The following SGCZ variants were observed in gnomAD, a reference collection of about 807,000 sequenced individuals.
SGCZ encodes the protein sarcoglycan zeta.
A neutral mutation model predicts 41.3 loss-of-function variants in SGCZ; 40 were observed. The ratio of observed to expected loss-of-function variants is 0.97; its 90% CI spans 0.75 to 1.26. SGCZ has a LOEUF of 1.26. SGCZ is among the 50% of genes most tolerant of loss of function. The pLI, the probability that SGCZ is intolerant of heterozygous loss-of-function variation, is 0.00. For missense variants in SGCZ, 552 were observed against 369.8 expected (o/e 1.49, Z -4.04); for synonymous variants, 206 against 137.5 (o/e 1.50, Z -3.49).
intron 1 of SGCZ, among the ~76,000 whole-genome samples, chr8:14,660,048 T>A (rs1456097348): frequency 6.6e-6 from 1 of 152,162 alleles, no homozygotes; most frequent in African/African-American, 2.4e-5. Flanking sequence ...AACAGCTTTT[T>A]CTTGCAGCCT....
At chr8:15,101,273 A>C (rs893455220) in intron 1 of SGCZ, among the ~76,000 whole-genome samples, 1 of 152,194 alleles carries the variant, frequency 6.6e-6, no homozygotes, top group African/African-American at 2.4e-5. Context: ...TCTGCTTTGT[A>C]ATAGACACTG....
Position 14,342,405 on chromosome 8 carries a change from C to G in SGCZ, c.235-18201G>C, listed in dbSNP as rs191399243. ...TATCTCGGCTCACTGCAAGCTCTGC[C>G]TCCCGGGTTCATGCCATTCTCCTGC... On this transcript the variant is annotated intron_variant, in intron 2 of 7. Transcript: ENST00000382080. 9.9e-4 allele frequency among the ~76,000 whole-genome samples: 151 copies of G among 152,264 alleles called. 1 individual carries two copies. Among genetic ancestry groups the G allele is most frequent in the African/African-American group, 3.5e-3 (145 of 41,536 alleles).
At chr8:14,550,221 T>C (rs767438068) in intron 2 of SGCZ, among the ~76,000 whole-genome samples, 2 of 151,866 alleles carry the variant, frequency 1.3e-5, no homozygotes, top group African/African-American at 4.8e-5. Context: ...AGTAAATAAA[T>C]GAATTACAGC....
chr8:14,622,502 A>T (rs1193505627), intron 1 of SGCZ, among the ~76,000 whole-genome samples: 3 of 152,222 alleles, frequency 2.0e-5, no homozygotes, highest in African/African-American at 7.2e-5. Flanking sequence ...ACAAAATTTA[A>T]ATAACAAAAA....
chr8:14,284,996 T>A (rs1014881451), intron 3 of SGCZ, among the ~76,000 whole-genome samples: 2 of 152,168 alleles, frequency 1.3e-5, no homozygotes, highest in Non-Finnish European at 2.9e-5. Flanking sequence ...CTCCAGATGA[T>A]ATCTTCCATC....
intron 5 of SGCZ, among the ~76,000 whole-genome samples, chr8:14,119,532 A>G (rs774965973): frequency 6.6e-6 from 1 of 151,820 alleles, no homozygotes; most frequent in Non-Finnish European, 1.5e-5. Flanking sequence ...CTTTCTTTCT[A>G]TTTAAATACA....
At chr8:14,101,541 A>AG (rs2116980371) in intron 7 of SGCZ, among the ~76,000 whole-genome samples, 1 of 152,346 alleles carries the variant, frequency 6.6e-6, no homozygotes, top group African/African-American at 2.4e-5. Flanking sequence ...AGACAGCAGG[A>AG]GAAAAAATAA....
At chr8:15,147,694 G>T (rs1338061467) in intron 1 of SGCZ, among the ~76,000 whole-genome samples, 3 of 152,208 alleles carry the variant, frequency 2.0e-5, no homozygotes, top group African/African-American at 4.8e-5. Context: ...CTCACAGCCA[G>T]ATAAGACTGA....
At chr8:14,444,770 A>T (rs1191876814) in intron 2 of SGCZ, among the ~76,000 whole-genome samples, 1 of 152,110 alleles carries the variant, frequency 6.6e-6, no homozygotes, top group Non-Finnish European at 1.5e-5. Context: ...TATGTAACTA[A>T]CCGGCATATT....
In SGCZ at chr8:14,344,420, G is replaced by GA. The variant is rs558840508; in HGVS notation, c.235-20217dup. ...AAAGACAATCTTCAAATCAGTAACT[G>GA]AAAAAAATACATTAACTATAGAATA... On this transcript the variant is annotated intron_variant, in intron 2 of 7. Transcript: ENST00000382080. Among the ~76,000 whole-genome samples the GA allele has an allele frequency of 4.9e-3, 750 of 151,766 alleles. 5 individuals are homozygous for GA. Among genetic ancestry groups the GA allele is most frequent in the African/African-American group, 0.016 (669 of 41,430 alleles).
intron 1 of SGCZ, among the ~76,000 whole-genome samples, chr8:14,638,808 T>A (rs1179362943): frequency 6.6e-6 from 1 of 151,792 alleles, no homozygotes; most frequent in South Asian, 2.1e-4. Flanking sequence ...GCACTACATT[T>A]TATGAGGATA....
chr8:14,203,954 G>C (rs1041335723), intron 4 of SGCZ, among the ~76,000 whole-genome samples: 2 of 152,002 alleles, frequency 1.3e-5, no homozygotes, highest in African/African-American at 4.8e-5. Context: ...AGACCTGTAA[G>C]AATTATCTAG....
intron 1 of SGCZ, among the ~76,000 whole-genome samples, chr8:15,141,721 G>T (rs1034275374): frequency 1.3e-5 from 2 of 152,144 alleles, no homozygotes; most frequent in Non-Finnish European, 2.9e-5. Context: ...GGCTAACACG[G>T]TGAAACCCCG....
rs1486737387 is a variant in SGCZ at position 14,391,850 on chromosome 8, G to A, written c.235-67646C>T. 2.6e-5 allele frequency among the ~76,000 whole-genome samples: 4 copies of A among 152,198 alleles called. 1 individual carries two copies. The East Asian group carries it at 7.7e-4, about 29-fold the overall frequency. On this transcript the variant is annotated intron_variant, in intron 2 of 7. Coordinates refer to ENST00000382080, the MANE Select transcript of SGCZ (RefSeq NM_139167.4). ...GTTTCAGGAAGCTTTCAATGGTGGA[G>A]CTTTGCAACTGGTTGTTTTTAAGTT...
intron 5 of SGCZ, among the ~76,000 whole-genome samples, chr8:14,142,294 T>G (rs1029476895): frequency 3.9e-5 from 6 of 152,168 alleles, no homozygotes; most frequent in Non-Finnish European, 8.8e-5. Context: ...TGTGCAGATG[T>G]ACCCTGGAAC....
intron 5 of SGCZ, among the ~76,000 whole-genome samples, chr8:14,131,520 A>C (rs1363166481): frequency 6.6e-6 from 1 of 152,132 alleles, no homozygotes; most frequent in Non-Finnish European, 1.5e-5. Context: ...AGAATCTTTT[A>C]TCTATGACAA....
chr8:15,195,475 C>T (rs1800692956), intron 1 of SGCZ, among the ~76,000 whole-genome samples: 1 of 152,294 alleles, frequency 6.6e-6, no homozygotes, highest in Middle Eastern at 3.4e-3. Context: ...CATCTCTCAG[C>T]TCTCTCTAAC....
intron 5 of SGCZ, among the ~76,000 whole-genome samples, chr8:14,135,664 T>C (rs1445155381): frequency 1.3e-5 from 2 of 151,780 alleles, no homozygotes; most frequent in African/African-American, 2.4e-5. Context: ...TGTAACTGAA[T>C]TGCTTCCAAA....
intron 3 of SGCZ, among the ~76,000 whole-genome samples, chr8:14,300,397 A>T (rs991310124): frequency 1.3e-5 from 2 of 151,742 alleles, no homozygotes; most frequent in African/African-American, 4.8e-5. Flanking sequence ...TGAGGAAGGG[A>T]AGAATTTAGG....
Sources: allele counts gnomAD v4.1 joint callset (sites outside exome capture counted in the v4.1 genomes callset), GRCh38; gene constraint gnomAD v4.1.1; transcripts MANE v1.5; gene names NCBI Gene and HGNC (gene_info 2026-07-23, HGNC 2026-07-21).